The following MCF2 variants were observed in gnomAD, a reference collection of about 807,000 sequenced individuals.
MCF2 encodes the protein proto-oncogene DBL.
Under a neutral mutation model 82.5 loss-of-function variants are expected in MCF2, and 44 were observed. The ratio of observed to expected loss-of-function variants is 0.53; its 90% CI spans 0.42 to 0.69. The LOEUF is 0.69. Ranked by LOEUF, MCF2 falls within the 30% of genes least tolerant of loss-of-function variation. The probability of loss-of-function intolerance (pLI) is 0.00; values close to 1 mark genes in which losing one functional copy is unlikely to be tolerated. For missense variants in MCF2, 623 were observed against 663.1 expected (o/e 0.94, Z 0.66); for synonymous variants, 217 against 224.9 (o/e 0.96, Z 0.32).
rs17002165 is a variant in MCF2, at chrX:139,598,346, A to G, written c.1929+60T>C. On this transcript the variant is annotated intron_variant, in intron 17 of 24. Transcript: ENST00000370576. ...TTCCTAGTAAACTATTTCCTTTTTA[A>G]TGGCTCTGTCATATCTGACTCAAAA... is the stretch of plus-strand genomic sequence containing the variant. 2,009 of 749,861 alleles carry G rather than the reference A, an allele frequency of 2.7e-3. 26 individuals carry two copies. In the African/African-American group the frequency reaches 0.037, roughly 14 times the overall value. The allele number at this position is 749,861 out of a possible 1,213,427, so 61.8% of individuals were successfully genotyped here.
chrX:139,610,747 T>C (rs1931434135), intron 10 of MCF2, among the ~76,000 whole-genome samples: 1 of 112,185 alleles, frequency 8.9e-6, no homozygotes, highest in African/African-American at 3.2e-5. Flanking sequence ...TACACTTGTT[T>C]GGCACTTTCT....
chrX:139,691,242 G>A (rs1298979078), intron 1 of MCF2, among the ~76,000 whole-genome samples: 1 of 111,585 alleles, frequency 9.0e-6, no homozygotes, highest in Admixed American at 9.5e-5. Flanking sequence ...GCCCAAGTCA[G>A]TGGCAGCAGC....
intron 24 of MCF2, 54 bp downstream of exon 28, chrX:139,585,012 T>C: frequency 1.2e-6 from 1 of 864,323 alleles, no homozygotes. Flanking sequence ...GCTCCACCTA[T>C]ATTTCATCAG....
intron 7 of MCF2, among the ~76,000 whole-genome samples, chrX:139,618,237 T>C (rs1191219868): frequency 9.2e-6 from 1 of 108,755 alleles, no homozygotes; most frequent in Non-Finnish European, 1.9e-5. Context: ...GACTCGAACA[T>C]AGTAGGGGTT....
chrX:139,687,960 G>A (rs993945391), intron 1 of MCF2, among the ~76,000 whole-genome samples: 3 of 112,052 alleles, frequency 2.7e-5, no homozygotes, highest in Non-Finnish European at 3.8e-5. Flanking sequence ...GTTCGAACAA[G>A]CTTGATTATC....
At chrX:139,625,040 C>T (rs1320985444) in intron 6 of MCF2, among the ~76,000 whole-genome samples, 3 of 110,515 alleles carry the variant, frequency 2.7e-5, no homozygotes, top group Non-Finnish European at 5.7e-5. Context: ...TTATATTTGC[C>T]ATTTTTCTGT....
chrX:139,592,686 G>C lies in MCF2; in HGVS notation c.2278-2759C>G, dbSNP rs765725931. 1.2e-4 allele frequency among the ~76,000 whole-genome samples: 13 copies of C among 111,841 alleles called. No homozygotes were observed. The South Asian group carries it at 1.9e-3, about 16-fold the overall frequency. ...AGGCCCTTTGAGATTTGGGGGCTTA[G>C]AGGTGGACTGCTAAAATCAAAGGAG... is the stretch of plus-strand genomic sequence containing the variant. On this transcript the variant is annotated intron_variant, in intron 19 of 24. Coordinates refer to ENST00000370576, the Ensembl canonical transcript of MCF2.
intron 1 of MCF2, among the ~76,000 whole-genome samples, chrX:139,676,941 T>G (rs1031102861): frequency 1.8e-5 from 2 of 110,965 alleles, no homozygotes; most frequent in African/African-American, 6.6e-5. Flanking sequence ...AAACTGTCTC[T>G]CTAAGATAAT....
At position 139,589,887 on chromosome X, in the gene MCF2, T is replaced by C. The variant is rs769543356; in HGVS notation, c.2318A>G (p.Asn773Ser). The stretch of plus-strand genomic sequence containing the variant: ...ACCATACCAGATTTCAAACTTGCGG[T>C]TATCACCTTTTACATATTCAGTGAT... The change falls in exon 20 of 25, where the codon AAC (asparagine) becomes AGC (serine). Residue 773 changes from asparagine to serine, a missense_variant. Coordinates refer to ENST00000370576, the Ensembl canonical transcript of MCF2. 7 of 1,193,997 alleles carry C rather than the reference T, an allele frequency of 5.9e-6. No homozygotes were observed. The South Asian group carries it at 1.3e-4, about 22-fold the overall frequency.
intron 19 of MCF2, 119 bp from the exon 24 acceptor site, chrX:139,590,046 T>C: frequency 2.3e-6 from 1 of 438,389 alleles, no homozygotes; most frequent in Non-Finnish European, 3.9e-6. Context: ...AAATACATGT[T>C]ATATTAAATG....
At position 139,631,472 on chromosome X, in the gene MCF2, T is replaced by C; in HGVS notation, c.211A>G (p.Ile71Val). Residue 71 changes from isoleucine (I) to valine (V), a missense_variant, in exon 3 of 25, where the codon ATT (isoleucine) becomes GTT (valine). By Grantham distance (29) the Ile-to-Val change is conservative (BLOSUM62 3). Transcript: ENST00000370576. ...TCAGGGGTTAATTGCTTGTCATCAATGTATGTCAGCAAATCACTAACTGAG... is the reference window on the plus strand; with the variant it reads ...TCAGGGGTTAATTGCTTGTCATCAACGTATGTCAGCAAATCACTAACTGAG... 4 of 1,206,544 alleles carry C rather than the reference T, an allele frequency of 3.3e-6. No individual in the cohort carries two copies. The highest frequency in any genetic ancestry group is 4.5e-6 in the Non-Finnish European group (4 of 891,442).
At chrX:139,693,894 T>G (rs775426521) in intron 1 of MCF2, among the ~76,000 whole-genome samples, 71 of 112,503 alleles carry the variant, frequency 6.3e-4, no homozygotes, top group Non-Finnish European at 4.3e-4. Context: ...GATCTGCATA[T>G]GGACAGATGC....
chrX:139,584,077 T>C (rs940178861), intron 24 of MCF2, among the ~76,000 whole-genome samples: 5 of 110,058 alleles, frequency 4.5e-5, no homozygotes, highest in Non-Finnish European at 9.5e-5. Flanking sequence ...TTTTAAAGAC[T>C]GCATTTCAGA....
At chrX:139,656,958 A>G (rs1218454079) in intron 1 of MCF2, among the ~76,000 whole-genome samples, 1 of 112,044 alleles carries the variant, frequency 8.9e-6, no homozygotes, top group Non-Finnish European at 1.9e-5. Flanking sequence ...TCTCATGTAG[A>G]AAACTCAACT....
chrX:139,650,126 A>T (rs1014298860), intron 2 of MCF2, among the ~76,000 whole-genome samples: 5 of 111,394 alleles, frequency 4.5e-5, no homozygotes, highest in African/African-American at 1.6e-4. Context: ...AAGCCAGGAT[A>T]GGAGGATCGC....
chrX:139,586,243 T>A (rs1407854913), intron 23 of MCF2, 135 bp downstream of exon 27: 4 of 471,111 alleles, frequency 8.5e-6, no homozygotes, highest in Middle Eastern at 3.4e-4. Context: ...ATGCAAGACA[T>A]GAGAGCCTTA....
intron 1 of MCF2, among the ~76,000 whole-genome samples, chrX:139,666,699 C>T (rs1211620385): frequency 1.8e-5 from 2 of 111,512 alleles, no homozygotes; most frequent in Admixed American, 1.9e-4. Flanking sequence ...AGACCTTTTG[C>T]ATTATATCTT....
intron 1 of MCF2, among the ~76,000 whole-genome samples, chrX:139,695,460 T>C (rs759080552): frequency 8.9e-4 from 100 of 112,149 alleles, no homozygotes; most frequent in Non-Finnish European, 1.6e-3. Flanking sequence ...GATTGACTTA[T>C]CTGCATGCAA....
intron 17 of MCF2, among the ~76,000 whole-genome samples, chrX:139,597,879 T>C (rs1171213092): frequency 9.0e-6 from 1 of 111,665 alleles, no homozygotes; most frequent in Non-Finnish European, 1.9e-5. Context: ...CATGTAGGGT[T>C]CTTTTGTCCT....
Sources: allele counts gnomAD v4.1 joint callset (sites outside exome capture counted in the v4.1 genomes callset), GRCh38; gene constraint gnomAD v4.1.1; transcripts MANE v1.5; gene names NCBI Gene and HGNC (gene_info 2026-07-23, HGNC 2026-07-21).